The following RCBTB2 variants were observed in gnomAD, a reference collection of about 807,000 sequenced individuals.
RCBTB2 encodes the protein RCC1 and BTB domain containing protein 2.
Under a neutral mutation model 65.4 loss-of-function variants are expected in RCBTB2, and 55 were observed. The observed-to-expected ratio is 0.84, with a 90% CI of 0.68 to 1.05. RCBTB2 has a LOEUF of 1.05. Ranked by LOEUF, RCBTB2 falls within the 50% of genes least tolerant of loss-of-function variation. The pLI is 0.00. For missense variants in RCBTB2, 599 were observed against 680.1 expected (o/e 0.88, Z 1.33); for synonymous variants, 220 against 255.2 (o/e 0.86, Z 1.31).
chr13:48,527,208 C>T (rs1170504814), intron 1 of RCBTB2, among the ~76,000 whole-genome samples: 1 of 150,298 alleles, frequency 6.7e-6, no homozygotes, highest in Admixed American at 6.6e-5. Flanking sequence ...AGCATAAGAT[C>T]ATCTCATATC....
upstream of RCBTB2, among the ~76,000 whole-genome samples, chr13:48,534,493 C>G (rs974028694): frequency 1.3e-5 from 2 of 152,224 alleles, no homozygotes; most frequent in Non-Finnish European, 2.9e-5. Flanking sequence ...TTGCCTTGCG[C>G]ACTTGGTCTT....
chr13:48,534,577 C>T (rs74074916), upstream of RCBTB2, among the ~76,000 whole-genome samples: 4,137 of 152,236 alleles, frequency 0.027, 171 homozygotes, highest in African/African-American at 0.09. Flanking sequence ...AATTAGCTAA[C>T]AATAAAAACA....
rs183493904 is a variant in RCBTB2, at chr13:48,515,865, G to A, written c.43-124C>T. The A allele has an allele frequency of 2.2e-4, 211 of 964,614 alleles. No individual in the cohort carries two copies. In the African/African-American group the frequency reaches 3.4e-3, roughly 15 times the overall value. 59.8% of individuals were successfully genotyped at this position (964,614 alleles called of 1,614,324 possible). A position where few individuals can be genotyped will look rare whatever the true frequency, so the allele number is the denominator to read the frequency against. Reference sequence around the variant, plus strand: ...GAACACACTGCATCCATTTTTGAGAGGCCTCTCGCAGCTGCAGGGATTGCC... The same window carrying A: ...GAACACACTGCATCCATTTTTGAGAAGCCTCTCGCAGCTGCAGGGATTGCC... On this transcript the variant is annotated intron_variant, in intron 4 of 14. Transcript: ENST00000344532.
chr13:48,503,019 A>G (rs1204880123), intron 10 of RCBTB2, 105 bp from the exon 11 acceptor site: 1 of 1,269,492 alleles, frequency 7.9e-7, no homozygotes, highest in East Asian at 2.8e-5. Flanking sequence ...TAAAATTACA[A>G]AAAGGGTCAG....
chr13:48,530,591 G>T (rs992718761), intron 1 of RCBTB2, among the ~76,000 whole-genome samples: 2 of 152,210 alleles, frequency 1.3e-5, no homozygotes, highest in African/African-American at 2.4e-5. Flanking sequence ...CTCCTACACA[G>T]TTTCAAATAC....
chr13:48,526,897 C>T (rs1457258641), intron 1 of RCBTB2, among the ~76,000 whole-genome samples: 1 of 152,084 alleles, frequency 6.6e-6, no homozygotes, highest in Non-Finnish European at 1.5e-5. Context: ...GCCTGGGTGA[C>T]AGAGTGAGAC....
chr13:48,510,825 C>A, intron 9 of RCBTB2, 54 bp from the exon 10 acceptor site: 1 of 1,537,260 alleles, frequency 6.5e-7, no homozygotes, highest in Non-Finnish European at 8.9e-7. Context: ...TATTTCACTG[C>A]TTCCACAAAG....
chr13:48,504,663 A>T (rs1238772277), intron 10 of RCBTB2, among the ~76,000 whole-genome samples: 1 of 152,216 alleles, frequency 6.6e-6, no homozygotes, highest in African/African-American at 2.4e-5. Context: ...ATTCTCTCTA[A>T]GCACATAACG....
In RCBTB2 at chr13:48,515,749, G is replaced by C; in HGVS notation, c.43-8C>G. On this transcript the variant is annotated splice_polypyrimidine_tract_variant and splice_region_variant and intron_variant, in intron 4 of 14. Coordinates refer to ENST00000344532, the MANE Select transcript of RCBTB2 (RefSeq NM_001268.4). Reference sequence around the variant, plus strand: ...CAGAGTAGCCTGTACTGGCTGAAAAGGAAAAAATATATGTTGAAATGACAA... The same window carrying C: ...CAGAGTAGCCTGTACTGGCTGAAAACGAAAAAATATATGTTGAAATGACAA... The C allele has an allele frequency of 6.3e-7, 1 of 1,586,148 alleles. No homozygotes were observed. Among genetic ancestry groups the C allele is most frequent in the Non-Finnish European group, 8.5e-7 (1 of 1,172,330 alleles).
intron 13 of RCBTB2, among the ~76,000 whole-genome samples, chr13:48,499,376 G>C (rs891298439): frequency 6.6e-6 from 1 of 152,272 alleles, no homozygotes; most frequent in South Asian, 2.1e-4. Flanking sequence ...CTCAGTCTCT[G>C]TCCCTTCCTC....
rs3085589 is a variant in RCBTB2, at chr13:48,493,225, T to TCACACACACACACACACACA, written c.1515+2946_1515+2965dup. Among the ~76,000 whole-genome samples, 476 of 109,036 alleles carry TCACACACACACACACACACA rather than the reference T, an allele frequency of 4.4e-3. 16 individuals carry two copies. The highest frequency in any genetic ancestry group is 0.021 in the African/African-American group (375 of 18,048). 71.5% of individuals were successfully genotyped at this position (109,036 alleles called of 152,430 possible). On this transcript the variant is annotated intron_variant, in intron 14 of 14. Coordinates refer to ENST00000344532, the MANE Select transcript of RCBTB2 (RefSeq NM_001268.4). Reference sequence around the variant, plus strand: ...TATACAGCCTCCTAAGTACCCTCCTTCACACACACACACACACACACACAC... The same window carrying TCACACACACACACACACACA: ...TATACAGCCTCCTAAGTACCCTCCTTCACACACACACACACACACACACACACACACACACACACACACAC...
At chr13:48,493,315 A>ACTCTCTCCCT (rs1555297880) in intron 14 of RCBTB2, among the ~76,000 whole-genome samples, 5 of 75,082 alleles carry the variant, frequency 6.7e-5, no homozygotes, top group African/African-American at 3.0e-4. Context: ...ACACACACAC[A>ACTCTCTCCCT]CTCTCTCTCT....
chr13:48,492,470 C>T (rs1323055537), intron 14 of RCBTB2: 1 of 152,246 alleles, frequency 6.6e-6, no homozygotes, highest in Non-Finnish European at 1.5e-5. Context: ...TCCTTTTTAT[C>T]TTTATAATAA....
chr13:48,501,697 T>C, intron 12 of RCBTB2, 45 bp downstream of exon 12: 1 of 1,539,530 alleles, frequency 6.5e-7, no homozygotes, highest in Non-Finnish European at 8.9e-7. Context: ...AATATAATTG[T>C]TGAACGAATT....
At chr13:48,509,589 AG>A (rs1270990877) in intron 10 of RCBTB2, among the ~76,000 whole-genome samples, 7 of 152,130 alleles carry the variant, frequency 4.6e-5, no homozygotes, top group African/African-American at 1.7e-4. Flanking sequence ...CCAATTCTGA[AG>A]GGGCCAGGGG....
rs761053522 is a variant in RCBTB2, at chr13:48,515,546, CT to C, written c.198+39del. 1.9e-6 allele frequency: 3 copies of C among 1,538,982 alleles called. No individual in the cohort carries two copies. The East Asian group carries it at 6.8e-5, about 35-fold the overall frequency. On this transcript the variant is annotated intron_variant, in intron 5 of 14. Coordinates refer to ENST00000344532, the MANE Select transcript of RCBTB2 (RefSeq NM_001268.4). ...GATCTTCAATTTGGCAAATCCATTT[CT>C]AAAAATGTGAGTAGCTGATTTATTT...
intron 13 of RCBTB2, among the ~76,000 whole-genome samples, chr13:48,498,009 C>T (rs1170610998): frequency 6.6e-6 from 1 of 152,244 alleles, no homozygotes; most frequent in Non-Finnish European, 1.5e-5. Context: ...ACTTTGGGTA[C>T]CTGGGAACCT....
At chr13:48,493,325 T>TCTCCACACACACACACACACACACACA (rs1566254905) in intron 14 of RCBTB2, among the ~76,000 whole-genome samples, 3 of 125,140 alleles carry the variant, frequency 2.4e-5, no homozygotes, top group Non-Finnish European at 4.7e-5. Context: ...ACTCTCTCTC[T>TCTCCACACACACACACACACACACACA]CTCTCTCTCT....
rs575271031 is a variant in RCBTB2 at position 48,530,495 on chromosome 13, A to C, written c.-219+2533T>G. Among the ~76,000 whole-genome samples, 4 of 152,330 alleles carry C rather than the reference A, an allele frequency of 2.6e-5. No homozygotes were observed. The South Asian group carries it at 8.3e-4, about 32-fold the overall frequency. Reference sequence around the variant, plus strand: ...AAGCCTTCTTTAATTATGGATTGAAATTTAGTTAGGTCTATCTGGTTCATT... The same window carrying C: ...AAGCCTTCTTTAATTATGGATTGAACTTTAGTTAGGTCTATCTGGTTCATT... On this transcript the variant is annotated intron_variant, in intron 1 of 14. Coordinates refer to ENST00000344532, the MANE Select transcript of RCBTB2 (RefSeq NM_001268.4).
Sources: gnomAD v4.1 joint callset for allele counts (sites outside exome capture counted in the v4.1 genomes callset) on GRCh38, gnomAD v4.1.1 for gene constraint, MANE v1.5 for transcripts, NCBI Gene and HGNC (gene_info 2026-07-23, HGNC 2026-07-21) for gene names.